PLPPR1: variants seen among roughly 807,000 people sequenced by gnomAD.
PLPPR1 encodes the protein phospholipid phosphatase-related protein type 1.
Under a neutral mutation model 33.1 loss-of-function variants are expected in PLPPR1, and 10 were observed. That is an observed-to-expected ratio of 0.30 (90% CI 0.19 to 0.51). PLPPR1 has a LOEUF of 0.51. PLPPR1 is among the 20% of genes least tolerant of loss of function. PLPPR1 has a pLI of 0.97. For synonymous variants in PLPPR1, 151 were observed against 151.0 expected, an observed-to-expected ratio of 1.00 and a Z score of 0.00; for missense variants, 304 against 408.1, an observed-to-expected ratio of 0.74 and a Z score of 2.20.
intron 3 of PLPPR1, among the ~76,000 whole-genome samples, chr9:101,277,782 T>G (rs1188400674): frequency 6.6e-6 from 1 of 152,168 alleles, no homozygotes; most frequent in East Asian, 1.9e-4. Context: ...GGCACAATGA[T>G]TTCTTTCTCC....
intron 1 of PLPPR1, among the ~76,000 whole-genome samples, chr9:101,072,289 G>A (rs981533264): frequency 6.6e-6 from 1 of 152,138 alleles, no homozygotes; most frequent in African/African-American, 2.4e-5. Flanking sequence ...TTGCGGCTTA[G>A]CCCTCCTCTA....
At chr9:101,057,575 T>C (rs940586190) in intron 1 of PLPPR1, among the ~76,000 whole-genome samples, 9 of 152,216 alleles carry the variant, frequency 5.9e-5, no homozygotes, top group African/African-American at 2.2e-4. Context: ...ACTGCCTTTT[T>C]AGTGCTTACT....
chr9:101,085,853 A>C (rs1830668865), intron 1 of PLPPR1, among the ~76,000 whole-genome samples: 1 of 151,694 alleles, frequency 6.6e-6, no homozygotes, highest in Non-Finnish European at 1.5e-5. Context: ...CCCTCATTGG[A>C]AATGGACCGG....
intron 4 of PLPPR1, among the ~76,000 whole-genome samples, chr9:101,300,114 T>C (rs566078947): frequency 1.4e-4 from 21 of 152,252 alleles, no homozygotes; most frequent in Admixed American, 4.6e-4. Context: ...GTTAGTAAAG[T>C]GTAGTTTCAA....
intron 3 of PLPPR1, among the ~76,000 whole-genome samples, chr9:101,278,560 G>A (rs1033309954): frequency 6.6e-6 from 1 of 152,178 alleles, no homozygotes; most frequent in Non-Finnish European, 1.5e-5. Flanking sequence ...AACATTGAGA[G>A]AGACACCATC....
intron 4 of PLPPR1, among the ~76,000 whole-genome samples, chr9:101,307,100 C>T (rs527679456): frequency 3.3e-4 from 50 of 152,278 alleles, no homozygotes; most frequent in Admixed American, 6.5e-4. Flanking sequence ...GGTTGGACAG[C>T]GGATGCTCCT....
At chr9:101,242,649 A>C (rs1002828063) in intron 2 of PLPPR1, among the ~76,000 whole-genome samples, 2 of 152,078 alleles carry the variant, frequency 1.3e-5, no homozygotes, top group Admixed American at 6.6e-5. Context: ...ACAGAAAAGC[A>C]GAACTATCAC....
intron 1 of PLPPR1, among the ~76,000 whole-genome samples, chr9:101,097,130 G>T (rs1242975142): frequency 1.3e-5 from 2 of 152,206 alleles, no homozygotes; most frequent in African/African-American, 4.8e-5. Flanking sequence ...TCTCAAACTT[G>T]AGCATGGCCA....
intron 1 of PLPPR1, among the ~76,000 whole-genome samples, chr9:101,079,814 G>A (rs911468291): frequency 6.5e-4 from 99 of 152,206 alleles, no homozygotes; most frequent in African/African-American, 2.3e-3. Flanking sequence ...TCCTGACCTC[G>A]TGATCCACCT....
intron 2 of PLPPR1, among the ~76,000 whole-genome samples, chr9:101,222,830 C>T (rs572651008): frequency 3.6e-4 from 54 of 152,038 alleles, no homozygotes; most frequent in African/African-American, 1.3e-3. Flanking sequence ...AGCAAACCCC[C>T]GCCCCCGCCA....
At chr9:101,217,790 A>T (rs766920606) in intron 2 of PLPPR1, among the ~76,000 whole-genome samples, 1 of 152,208 alleles carries the variant, frequency 6.6e-6, no homozygotes, top group Non-Finnish European at 1.5e-5. Context: ...GTCCAACCTC[A>T]ATAATTCTTA....
chr9:101,132,725 A>G (rs1487937322), intron 1 of PLPPR1, among the ~76,000 whole-genome samples: 1 of 152,182 alleles, frequency 6.6e-6, no homozygotes, highest in Admixed American at 6.5e-5. Context: ...GGTGGGGGAT[A>G]TTGTTACTGG....
In PLPPR1 at chr9:101,120,806, T is replaced by C. The variant is rs554205527; in HGVS notation, c.-45-64644T>C. Among the ~76,000 whole-genome samples, 17 of 152,328 alleles carry C rather than the reference T, an allele frequency of 1.1e-4. No homozygotes were observed. In the South Asian group the frequency reaches 3.3e-3, roughly 30 times the overall value. ...ATATGGCCCTATGAGGGCCTTCCTA[T>C]TATATCCAGAATTTAGTGACTTTTT... On this transcript the variant is annotated intron_variant, in intron 1 of 7. Coordinates refer to ENST00000374874, the MANE Select transcript of PLPPR1 (RefSeq NM_207299.2).
At chr9:101,163,309 T>G (rs1825798255) in intron 1 of PLPPR1, among the ~76,000 whole-genome samples, 1 of 152,206 alleles carries the variant, frequency 6.6e-6, no homozygotes, top group East Asian at 1.9e-4. Context: ...GGGTAAGAAC[T>G]TTCATTCAAC....
At chr9:101,201,548 T>C (rs1283128123) in intron 2 of PLPPR1, among the ~76,000 whole-genome samples, 1 of 152,178 alleles carries the variant, frequency 6.6e-6, no homozygotes, top group Non-Finnish European at 1.5e-5. Flanking sequence ...ATCTCGGACT[T>C]TCAGTTTTCT....
chr9:101,249,833 A>C (rs1827685575), intron 2 of PLPPR1, among the ~76,000 whole-genome samples: 1 of 152,042 alleles, frequency 6.6e-6, no homozygotes, highest in Admixed American at 6.6e-5. Flanking sequence ...CCCAAAGAGC[A>C]AGAAAAGGTT....
intron 1 of PLPPR1, among the ~76,000 whole-genome samples, chr9:101,141,886 C>T (rs373701722): frequency 6.6e-6 from 1 of 152,312 alleles, no homozygotes; most frequent in East Asian, 1.9e-4. Context: ...CCATTGTTGA[C>T]TTTCTCTACT....
chr9:101,270,265 T>C (rs1828071184), intron 3 of PLPPR1, among the ~76,000 whole-genome samples, 197 bp downstream of exon 3: 1 of 152,140 alleles, frequency 6.6e-6, no homozygotes, highest in South Asian at 2.1e-4. Flanking sequence ...TGGGTGGCTT[T>C]TGTTTTTCGG....
In PLPPR1 at chr9:101,125,223, A is replaced by G. The variant is rs151286202; in HGVS notation, c.-45-60227A>G. Reference sequence around the variant, plus strand: ...CCTATCTGTCCCTGTGGTACCTGTTAGTTCCTGTGAGTTCCTGCAAGTCCC... The same window carrying G: ...CCTATCTGTCCCTGTGGTACCTGTTGGTTCCTGTGAGTTCCTGCAAGTCCC... On this transcript the variant is annotated intron_variant, in intron 1 of 7. Transcript: ENST00000374874. Among the ~76,000 whole-genome samples the G allele has an allele frequency of 6.1e-3, 925 of 152,018 alleles. 5 individuals carry two copies. Among genetic ancestry groups the G allele is most frequent in the Middle Eastern group, 0.014 (4 of 294 alleles).
Sources: allele counts gnomAD v4.1 joint callset (sites outside exome capture counted in the v4.1 genomes callset), GRCh38; gene constraint gnomAD v4.1.1; transcripts MANE v1.5; gene names NCBI Gene and HGNC (gene_info 2026-07-23, HGNC 2026-07-21).